Variants in CNTNAP2 observed in about 807,000 individuals in gnomAD.
CNTNAP2 encodes contactin-associated protein-like 2.
A neutral mutation model predicts 155.2 loss-of-function variants in CNTNAP2; 98 were observed. That is an observed-to-expected ratio of 0.63 (90% confidence interval 0.54 to 0.75). CNTNAP2 has a LOEUF of 0.75. CNTNAP2 is among the 30% of genes least tolerant of loss of function. The pLI is 0.00. For missense variants in CNTNAP2, 1,727 were observed against 1,688.1 expected (o/e 1.02, Z -0.40); for synonymous variants, 651 against 631.2 (o/e 1.03, Z -0.47).
chr7:147,986,748 A>G (rs1801624284), intron 15 of CNTNAP2, among the ~76,000 whole-genome samples: 1 of 152,168 alleles, frequency 6.6e-6, no homozygotes, highest in African/African-American at 2.4e-5. Flanking sequence ...TGGGTATCAG[A>G]ACTCTTAATC....
intron 10 of CNTNAP2, among the ~76,000 whole-genome samples, chr7:147,404,322 T>C (rs1376406368): frequency 2.6e-5 from 4 of 152,210 alleles, no homozygotes; most frequent in Non-Finnish European, 4.4e-5. Context: ...TAAGTGAAAC[T>C]GGATTTCCTT....
At chr7:147,772,444 CGCTATA>C (rs1797486030) in intron 13 of CNTNAP2, among the ~76,000 whole-genome samples, 1 of 59,734 alleles carries the variant, frequency 1.7e-5, no homozygotes, top group African/African-American at 6.8e-5. Flanking sequence ...TTCTCTCTCT[CGCTATA>C]TATATATATA....
At chr7:146,178,329 G>A (rs868837804) in intron 1 of CNTNAP2, among the ~76,000 whole-genome samples, 14 of 152,058 alleles carry the variant, frequency 9.2e-5, no homozygotes, top group Admixed American at 3.3e-4. Flanking sequence ...TACTGCACCC[G>A]GCCTGGAACA....
chr7:148,202,545 A>G (rs1324035946), intron 18 of CNTNAP2, among the ~76,000 whole-genome samples: 1 of 152,216 alleles, frequency 6.6e-6, no homozygotes, highest in Non-Finnish European at 1.5e-5. Flanking sequence ...CAATGAATAA[A>G]TCCATTCTTT....
chr7:147,906,455 A>C (rs903477247), intron 14 of CNTNAP2, among the ~76,000 whole-genome samples: 3 of 151,674 alleles, frequency 2.0e-5, no homozygotes, highest in African/African-American at 4.8e-5. Flanking sequence ...ACCATGAGCC[A>C]CCATGCCTGG....
At chr7:147,660,959 C>A (rs543057403) in intron 13 of CNTNAP2, among the ~76,000 whole-genome samples, 1 of 152,120 alleles carries the variant, frequency 6.6e-6, no homozygotes, top group Non-Finnish European at 1.5e-5. Context: ...TCATGCCCCC[C>A]TATTGCACAC....
intron 13 of CNTNAP2, among the ~76,000 whole-genome samples, chr7:147,750,486 T>G (rs1797116064): frequency 6.6e-6 from 1 of 152,176 alleles, no homozygotes; most frequent in South Asian, 2.1e-4. Context: ...ATCTGTATGA[T>G]CATAAAAAAG....
chr7:147,082,888 C>G (rs945927401), intron 4 of CNTNAP2: 12 of 152,206 alleles, frequency 7.9e-5, no homozygotes, highest in African/African-American at 2.9e-4. Context: ...GCCTGGCTCC[C>G]ATCTTGGGGT....
At chr7:147,454,865 A>ATT (rs1438757800) in intron 10 of CNTNAP2, among the ~76,000 whole-genome samples, 1 of 152,112 alleles carries the variant, frequency 6.6e-6, no homozygotes, top group East Asian at 1.9e-4. Context: ...ACGACCTTTA[A>ATT]TAACACTAGG....
intron 1 of CNTNAP2, among the ~76,000 whole-genome samples, chr7:146,274,032 A>T (rs1800126503): frequency 6.6e-6 from 1 of 152,176 alleles, no homozygotes; most frequent in South Asian, 2.1e-4. Flanking sequence ...CATATGTAAT[A>T]GTTGTAACTA....
intron 2 of CNTNAP2, among the ~76,000 whole-genome samples, chr7:146,778,266 T>C (rs1017628757): frequency 1.3e-5 from 2 of 152,232 alleles, no homozygotes; most frequent in Admixed American, 6.5e-5. Flanking sequence ...GAAAGCACCA[T>C]ATAAATGCAT....
chr7:146,633,792 T>TGCACTCCA (rs1799548818), intron 1 of CNTNAP2, among the ~76,000 whole-genome samples: 1 of 130,256 alleles, frequency 7.7e-6, no homozygotes, highest in Non-Finnish European at 1.5e-5. Flanking sequence ...ATCGTGCCAC[T>TGCACTCCA]GCACTCCAGC....
Position 147,644,620 on chromosome 7 carries a change from G to A in CNTNAP2, c.2098+5314G>A, listed in dbSNP as rs146181553. On this transcript the variant is annotated intron_variant, in intron 13 of 23. Transcript: ENST00000361727. Reference sequence around the variant, plus strand: ...CTGGGCGATAGAGCGAGACTCTGTCGCAAAACAAACAAACAAAACAAAACA... The same window carrying A: ...CTGGGCGATAGAGCGAGACTCTGTCACAAAACAAACAAACAAAACAAAACA... Among the ~76,000 whole-genome samples the A allele has an allele frequency of 6.4e-4, 98 of 152,146 alleles. No individual in the cohort carries two copies. The East Asian group carries it at 0.018, about 28-fold the overall frequency.
chr7:147,096,433 G>A (rs1005837399), intron 4 of CNTNAP2, among the ~76,000 whole-genome samples: 1 of 152,200 alleles, frequency 6.6e-6, no homozygotes, highest in Non-Finnish European at 1.5e-5. Flanking sequence ...CCCAAACACT[G>A]CATGAATCCT....
At chr7:147,325,409 G>T (rs925250296) in intron 9 of CNTNAP2, among the ~76,000 whole-genome samples, 2 of 152,180 alleles carry the variant, frequency 1.3e-5, no homozygotes, top group East Asian at 3.9e-4. Flanking sequence ...TGCCATGTCT[G>T]CCTCTGTGAA....
At chr7:146,199,916 C>A (rs1481009656) in intron 1 of CNTNAP2, among the ~76,000 whole-genome samples, 3 of 152,116 alleles carry the variant, frequency 2.0e-5, no homozygotes, top group Non-Finnish European at 4.4e-5. Context: ...CTTGCCCCTA[C>A]CATAAGCAGT....
At chr7:147,618,182 T>G (rs1801328887) in intron 12 of CNTNAP2, among the ~76,000 whole-genome samples, 1 of 152,194 alleles carries the variant, frequency 6.6e-6, no homozygotes, top group African/African-American at 2.4e-5. Flanking sequence ...TAAAAGATCT[T>G]AAGAATATGT....
intron 15 of CNTNAP2, among the ~76,000 whole-genome samples, chr7:148,070,178 G>A (rs1429846011): frequency 6.6e-6 from 1 of 152,178 alleles, no homozygotes. Context: ...AAAGTGAATT[G>A]TAGATGCTGA....
intron 2 of CNTNAP2, among the ~76,000 whole-genome samples, chr7:146,833,019 T>G (rs1803543821): frequency 6.6e-6 from 1 of 152,074 alleles, no homozygotes; most frequent in Non-Finnish European, 1.5e-5. Flanking sequence ...ATTTCTTAGA[T>G]TATATATAAT....
Sources: gnomAD v4.1 joint callset for allele counts (sites outside exome capture counted in the v4.1 genomes callset) on GRCh38, gnomAD v4.1.1 for gene constraint, MANE v1.5 for transcripts, NCBI Gene and HGNC (gene_info 2026-07-23, HGNC 2026-07-21) for gene names.